PCDHA2: variants seen among roughly 807,000 people sequenced by gnomAD.
The protein encoded by PCDHA2 is protocadherin alpha 2.
In PCDHA2, 58 loss-of-function variants were observed where a neutral mutation model predicts 66.0. The observed-to-expected ratio is 0.88, with a 90% CI of 0.71 to 1.09. The LOEUF (loss-of-function observed/expected upper bound fraction) is 1.09, where lower values mean the gene tolerates loss of function less well. Among genes scored for constraint, PCDHA2 ranks in the 50% least tolerant of loss-of-function variants. PCDHA2 has a pLI of 0.00. For missense variants in PCDHA2, 1,267 were observed against 1,242.3 expected (o/e 1.02, Z -0.30); for synonymous variants, 634 against 554.0 (o/e 1.14, Z -2.03).
intron 1 of PCDHA2, chr5:140,857,918 G>A: frequency 3.1e-6 from 5 of 1,597,824 alleles, no homozygotes; most frequent in Non-Finnish European, 4.3e-6. Context: ...GTTTCGCGTG[G>A]GGCTGTACAC....
intron 1 of PCDHA2, chr5:140,842,708 T>A: frequency 6.3e-7 from 1 of 1,595,132 alleles, no homozygotes. Flanking sequence ...GTACACGGTG[T>A]TCGTGAAGGA....
At chr5:140,907,519 C>A (rs1378450434) in intron 1 of PCDHA2, among the ~76,000 whole-genome samples, 3 of 152,184 alleles carry the variant, frequency 2.0e-5, no homozygotes, top group Non-Finnish European at 4.4e-5. Flanking sequence ...CCAGTGAGGA[C>A]AAATCGCTGC....
At chr5:140,830,154 G>A (rs2150182095) in intron 1 of PCDHA2, 6 of 1,613,332 alleles carry the variant, frequency 3.7e-6, no homozygotes, top group South Asian at 1.1e-5. Context: ...GGCGCCGCGG[G>A]CCCAGAGGCG....
chr5:140,799,431 T>A (rs1554120936), intron 1 of PCDHA2, among the ~76,000 whole-genome samples: 1 of 152,114 alleles, frequency 6.6e-6, no homozygotes, highest in East Asian at 1.9e-4. Flanking sequence ...CTACCATCTT[T>A]AAAAATTCAG....
intron 1 of PCDHA2, chr5:140,877,349 T>C (rs1554169631): frequency 1.2e-6 from 2 of 1,613,984 alleles, no homozygotes; most frequent in Admixed American, 3.3e-5. Context: ...CACGTGGGGC[T>C]GTACACTGGC....
At chr5:140,876,597 G>A in intron 1 of PCDHA2, 1 of 1,614,160 alleles carries the variant, frequency 6.2e-7, no homozygotes, top group Non-Finnish European at 8.5e-7. Flanking sequence ...TTAGCGTGTC[G>A]GATCGTGACT....
At chr5:140,798,270 G>A (rs1452839328) in intron 1 of PCDHA2, among the ~76,000 whole-genome samples, 1 of 152,090 alleles carries the variant, frequency 6.6e-6, no homozygotes, top group African/African-American at 2.4e-5. Flanking sequence ...ACAGCACTTA[G>A]GAATAACTGC....
At chr5:140,869,669 T>A in intron 1 of PCDHA2, 1 of 1,613,476 alleles carries the variant, frequency 6.2e-7, no homozygotes, top group South Asian at 1.1e-5. Flanking sequence ...GGTAAGCAGA[T>A]TAAAAGACTG....
chr5:140,929,325 G>A (rs782073530), intron 1 of PCDHA2: 4 of 1,538,392 alleles, frequency 2.6e-6, no homozygotes, highest in Non-Finnish European at 3.5e-6. Flanking sequence ...TCAATGCCAT[G>A]GTAAGCAAAT....
intron 1 of PCDHA2, among the ~76,000 whole-genome samples, chr5:140,955,667 T>C (rs1485421057): frequency 6.6e-6 from 1 of 152,188 alleles, no homozygotes; most frequent in Admixed American, 6.5e-5. Flanking sequence ...AATTTTAACA[T>C]AGTTTTTTCG....
intron 1 of PCDHA2, chr5:140,852,590 T>A (rs2042399836): frequency 1.1e-6 from 1 of 893,664 alleles, no homozygotes; most frequent in African/African-American, 1.8e-5. Context: ...TTATTTTTTT[T>A]TTTTGTCATT....
chr5:140,853,649 T>C (rs2042817758), intron 1 of PCDHA2: 2 of 988,760 alleles, frequency 2.0e-6, no homozygotes, highest in African/African-American at 1.8e-5. Flanking sequence ...AAATTGAGCC[T>C]GTTCCAGACA....
At chr5:140,883,416 G>T in intron 1 of PCDHA2, 1 of 1,614,158 alleles carries the variant, frequency 6.2e-7, no homozygotes, top group Non-Finnish European at 8.5e-7. Context: ...GGCTCAAATG[G>T]ACAGGTCACC....
Position 140,795,349 on chromosome 5 carries a change from A to G in PCDHA2, c.385A>G (p.Asn129Asp). The G allele has an allele frequency of 6.2e-7, 1 of 1,614,142 alleles. No individual in the cohort carries two copies. Among genetic ancestry groups the G allele is most frequent in the East Asian group, 2.2e-5 (1 of 44,870 alleles). ...VEVEVKDINDNPPIFPMTVKT... is the reference protein window; with the variant it reads ...VEVEVKDINDDPPIFPMTVKT... ...AGTGGAGGTGAAGGACATTAACGAC[A>G]ACCCGCCAATATTTCCAATGACAGT... is the stretch of plus-strand genomic sequence containing the variant. Residue 129 changes from asparagine to aspartate, a missense_variant, in exon 1 of 4, where the codon AAC (asparagine) becomes GAC (aspartate). Asn to Asp is a conservative substitution (Grantham distance 23). Coordinates refer to ENST00000526136, the MANE Select transcript of PCDHA2 (RefSeq NM_018905.3).
chr5:140,913,219 C>A (rs2076256091), intron 1 of PCDHA2, among the ~76,000 whole-genome samples: 2 of 152,122 alleles, frequency 1.3e-5, no homozygotes, highest in Non-Finnish European at 2.9e-5. Context: ...GGGTCCCAGG[C>A]TTTACTTTGC....
chr5:140,795,081 C>A lies in PCDHA2; in HGVS notation c.117C>A (p.Ala39=). ...GQLRYSVPEE[A]KHGTFVGRIA... ...TCCGCTACTCCGTCCCCGAGGAGGC[C>A]AAACACGGCACCTTCGTGGGCCGCA... Residue 39 remains alanine, a synonymous_variant, in exon 1 of 4, where the codon GCC becomes GCA. Coordinates refer to ENST00000526136, the MANE Select transcript of PCDHA2 (RefSeq NM_018905.3). 1 of 1,614,012 alleles carries A rather than the reference C, an allele frequency of 6.2e-7. No individual in the cohort carries two copies. The highest frequency in any genetic ancestry group is 8.5e-7 in the Non-Finnish European group (1 of 1,180,044).
At chr5:140,868,042 C>G (rs1248168990) in intron 1 of PCDHA2, 1 of 151,924 alleles carries the variant, frequency 6.6e-6, no homozygotes, top group Non-Finnish European at 1.5e-5. Context: ...CTTGGAAATA[C>G]CAATATGGCA....
chr5:140,861,197 T>C (rs1203877900), intron 1 of PCDHA2: 1 of 162,270 alleles, frequency 6.2e-6, no homozygotes, highest in Non-Finnish European at 1.3e-5. Context: ...CATGAAATAT[T>C]GTTTTACTAA....
At chr5:140,875,740 A>G (rs377133743) in intron 1 of PCDHA2, 14 of 1,614,104 alleles carry the variant, frequency 8.7e-6, no homozygotes, top group Non-Finnish European at 1.2e-5. Context: ...GAATTCTCGG[A>G]TCGACCGCGA....
Sources: allele counts gnomAD v4.1 joint callset (sites outside exome capture counted in the v4.1 genomes callset), GRCh38; gene constraint gnomAD v4.1.1; transcripts MANE v1.5; gene names NCBI Gene and HGNC (gene_info 2026-07-23, HGNC 2026-07-21).